Variants in XXYLT1 observed in about 807,000 individuals in gnomAD.
XXYLT1 encodes xyloside xylosyltransferase 1, also known as UDP-xylose:alpha-xyloside alpha-1,3-xylosyltransferase.
XXYLT1 carries 20 observed loss-of-function variants against 28.9 expected under a neutral mutation model. That is an observed-to-expected ratio of 0.69 (90% CI 0.49 to 1.00). The LOEUF (loss-of-function observed/expected upper bound fraction) is 1.00, where lower values mean the gene tolerates loss of function less well. Among genes scored for constraint, XXYLT1 ranks in the 50% least tolerant of loss-of-function variants. XXYLT1 has a pLI of 0.00. For missense variants in XXYLT1, 542 were observed against 560.1 expected, an observed-to-expected ratio of 0.97 and a Z score of 0.33; for synonymous variants, 257 against 253.8, an observed-to-expected ratio of 1.01 and a Z score of -0.12.
At chr3:195,155,120 C>A (rs10933700) in intron 3 of XXYLT1, among the ~76,000 whole-genome samples, 1 of 152,242 alleles carries the variant, frequency 6.6e-6, no homozygotes, top group Non-Finnish European at 1.5e-5. Context: ...AAAGTCCACA[C>A]GGCCCAAGGA....
At chr3:195,160,197 G>A (rs533791938) in intron 2 of XXYLT1, among the ~76,000 whole-genome samples, 39 of 152,132 alleles carry the variant, frequency 2.6e-4, no homozygotes, top group South Asian at 4.2e-4. Flanking sequence ...AAAGCAACAC[G>A]CAACAAAATA....
At chr3:195,233,540 G>T (rs1219110393) in intron 1 of XXYLT1, among the ~76,000 whole-genome samples, 1 of 152,098 alleles carries the variant, frequency 6.6e-6, no homozygotes, top group Non-Finnish European at 1.5e-5. Context: ...GTTGCCATGA[G>T]ATTTGCAAAT....
At chr3:195,083,458 C>T (rs562355733) in intron 3 of XXYLT1, among the ~76,000 whole-genome samples, 1 of 152,314 alleles carries the variant, frequency 6.6e-6, no homozygotes, top group East Asian at 1.9e-4. Context: ...TCCCTGGGGC[C>T]TCTCCTCAGG....
In XXYLT1 at chr3:195,262,197, C is replaced by T. The variant is rs981940958; in HGVS notation, c.504+8358G>A. On this transcript the variant is annotated intron_variant, in intron 1 of 3. Transcript: ENST00000310380. The stretch of plus-strand genomic sequence containing the variant: ...GCATTAATGCATGCTACAACATGAA[C>T]CCTAAAAACACTAGGCTAAAAGAAG... Among the ~76,000 whole-genome samples, 5 of 152,182 alleles carry T rather than the reference C, an allele frequency of 3.3e-5. No individual in the cohort carries two copies. The South Asian group carries it at 1.0e-3, about 32-fold the overall frequency.
intron 3 of XXYLT1, among the ~76,000 whole-genome samples, chr3:195,131,730 A>G (rs1378394839): frequency 2.6e-5 from 4 of 152,210 alleles, no homozygotes; most frequent in African/African-American, 9.7e-5. Flanking sequence ...TCTATGGTAA[A>G]TGTTTACCAG....
chr3:195,258,905 T>C (rs1725577270), intron 1 of XXYLT1, among the ~76,000 whole-genome samples: 1 of 152,176 alleles, frequency 6.6e-6, no homozygotes, highest in Non-Finnish European at 1.5e-5. Flanking sequence ...AGAAAGCTGT[T>C]TTGCAAGCTA....
intron 1 of XXYLT1, among the ~76,000 whole-genome samples, chr3:195,247,000 C>A (rs1309422367): frequency 6.6e-6 from 1 of 152,204 alleles, no homozygotes; most frequent in Admixed American, 6.5e-5. Context: ...CTAAAGAATA[C>A]TCTGAGTGAA....
At chr3:195,208,903 A>C (rs1275896573) in intron 2 of XXYLT1, among the ~76,000 whole-genome samples, 1 of 152,220 alleles carries the variant, frequency 6.6e-6, no homozygotes, top group African/African-American at 2.4e-5. Flanking sequence ...GTTAGCTCCC[A>C]AATCAGCTCA....
At chr3:195,239,613 GT>G (rs1404950838) in intron 1 of XXYLT1, among the ~76,000 whole-genome samples, 1 of 152,186 alleles carries the variant, frequency 6.6e-6, no homozygotes, top group East Asian at 1.9e-4. Flanking sequence ...TTATTAATTT[GT>G]TTACATACAC....
At chr3:195,252,063 A>C (rs1042685649) in intron 1 of XXYLT1, among the ~76,000 whole-genome samples, 2 of 152,286 alleles carry the variant, frequency 1.3e-5, no homozygotes, top group East Asian at 3.8e-4. Flanking sequence ...GTATCAGCAA[A>C]GATAAATCTC....
chr3:195,260,384 G>A (rs1337424192), intron 1 of XXYLT1, among the ~76,000 whole-genome samples: 1 of 152,142 alleles, frequency 6.6e-6, no homozygotes, highest in Non-Finnish European at 1.5e-5. Flanking sequence ...CGCACATCCC[G>A]GAGCACAGGA....
intron 2 of XXYLT1, among the ~76,000 whole-genome samples, chr3:195,192,419 T>A (rs57451323): frequency 6.0e-5 from 9 of 150,624 alleles, no homozygotes; most frequent in African/African-American, 1.7e-4. Context: ...AGTGAGACTC[T>A]GTCTCAAGAA....
chr3:195,148,445 A>T (rs1310584372), intron 3 of XXYLT1, among the ~76,000 whole-genome samples: 1 of 149,156 alleles, frequency 6.7e-6, no homozygotes, highest in African/African-American at 2.5e-5. Flanking sequence ...ATCTTGGTTA[A>T]TTTTTTTTTT....
chr3:195,232,660 T>C (rs1487309436), intron 1 of XXYLT1, among the ~76,000 whole-genome samples: 1 of 152,218 alleles, frequency 6.6e-6, no homozygotes, highest in African/African-American at 2.4e-5. Flanking sequence ...CAGAGGCATA[T>C]TGTTCAGTTT....
In XXYLT1 at chr3:195,271,077, G is replaced by C. The variant is rs1726013032; in HGVS notation, c.-19C>G. ...GGCCCATGCGCTACGAGACCGCGGC[G>C]CCAGCGGTGCCAGCAACGCGGGAGA... is the stretch of plus-strand genomic sequence containing the variant. On this transcript the variant is annotated 5_prime_UTR_variant, in exon 1 of 4. Coordinates refer to ENST00000310380, the MANE Select transcript of XXYLT1 (RefSeq NM_152531.5). The C allele has an allele frequency of 2.3e-6, 3 of 1,315,672 alleles. No homozygotes were observed. Among genetic ancestry groups the C allele is most frequent in the Non-Finnish European group, 2.9e-6 (3 of 1,036,106 alleles). The allele number at this position is 1,315,672 out of a possible 1,614,324, so 81.5% of individuals were successfully genotyped here.
intron 3 of XXYLT1, among the ~76,000 whole-genome samples, chr3:195,113,837 AG>A (rs1717906576): frequency 6.6e-6 from 1 of 152,120 alleles, no homozygotes; most frequent in Admixed American, 6.5e-5. Context: ...ATAGTGCCAG[AG>A]GGTGCTCCTG....
At position 195,127,321 on chromosome 3, in the gene XXYLT1, G is replaced by A. The variant is rs143779890; in HGVS notation, c.785+29128C>T. Among the ~76,000 whole-genome samples, 294 of 152,272 alleles carry A rather than the reference G, an allele frequency of 1.9e-3. 4 individuals are homozygous for A. The highest frequency in any genetic ancestry group is 5.0e-3 in the African/African-American group (208 of 41,538). On this transcript the variant is annotated intron_variant, in intron 3 of 3. Coordinates refer to ENST00000310380, the MANE Select transcript of XXYLT1 (RefSeq NM_152531.5). Reference sequence around the variant, plus strand: ...ATTTGGTTTTGTGTTACTCCTGGGTGTCTTTGTCAGTTCCTCCAGGGGTGC... The same window carrying A: ...ATTTGGTTTTGTGTTACTCCTGGGTATCTTTGTCAGTTCCTCCAGGGGTGC...
At position 195,156,465 on chromosome 3, in the gene XXYLT1, T is replaced by A; in HGVS notation, c.769A>T (p.Met257Leu). The A allele has an allele frequency of 6.2e-7, 1 of 1,614,066 alleles. No individual in the cohort carries two copies. Among genetic ancestry groups the A allele is most frequent in the Non-Finnish European group, 8.5e-7 (1 of 1,180,004 alleles). The change falls in exon 3 of 4, where the codon ATG (methionine) becomes TTG (leucine). Residue 257 changes from methionine to leucine, a missense_variant. By Grantham distance (15) the Met-to-Leu change is conservative (BLOSUM62 2). Coordinates refer to ENST00000310380, the MANE Select transcript of XXYLT1 (RefSeq NM_152531.5). ...PGAIIGIARE[M>L]QPVYRHTFWQ... ...ATGACGCACCTGTAAACTGGCTGCA[T>A]CTCCCGGGCTATGCCGATGATGGCG...
intron 3 of XXYLT1, among the ~76,000 whole-genome samples, chr3:195,073,123 T>C (rs540222758): frequency 6.6e-6 from 1 of 152,234 alleles, no homozygotes; most frequent in Non-Finnish European, 1.5e-5. Context: ...AGGCAGGGCT[T>C]CTGATCTCTG....
Sources: allele counts gnomAD v4.1 joint callset (sites outside exome capture counted in the v4.1 genomes callset), GRCh38; gene constraint gnomAD v4.1.1; transcripts MANE v1.5; gene names NCBI Gene and HGNC (gene_info 2026-07-23, HGNC 2026-07-21).